TXNDC5: variants seen among roughly 807,000 people sequenced by gnomAD.
TXNDC5 encodes the protein thioredoxin domain-containing protein 5.
Under a neutral mutation model 52.6 loss-of-function variants are expected in TXNDC5, and 44 were observed. The ratio of observed to expected loss-of-function variants is 0.84; its 90% CI spans 0.66 to 1.08. TXNDC5 has a LOEUF of 1.08. TXNDC5 is among the 50% of genes least tolerant of loss of function. The pLI is 0.00. For missense variants in TXNDC5, 600 were observed against 565.5 expected (o/e 1.06, Z -0.62); for synonymous variants, 241 against 234.4 (o/e 1.03, Z -0.26).
rs753052301 is a variant in TXNDC5, at chr6:7,884,450, TC to T, written c.1084del (p.Glu362AsnfsTer18). 2.5e-6 allele frequency: 4 copies of T among 1,613,876 alleles called. No individual in the cohort carries two copies. Among genetic ancestry groups the T allele is most frequent in the Non-Finnish European group, 3.4e-6 (4 of 1,179,998 alleles). On this transcript the variant is annotated frameshift_variant, in exon 9 of 10. Transcript: ENST00000379757. LOFTEE classifies it high-confidence loss of function. ...ACCAGGGAATTCCTTTTTAGAGAGT[TC>T]CTCCCAAGTAGGAGCCAGAGTCTTA... ...HCKTLAPTWE[E>X]LSKKEFPGLA... is the part of the protein sequence containing the mutation.
At position 7,883,178 on chromosome 6, in the gene TXNDC5, C is replaced by T. The variant is rs146220191; in HGVS notation, c.1265G>A (p.Arg422His). The T allele has an allele frequency of 5.5e-4, 881 of 1,614,186 alleles. 15 individuals carry two copies. In the South Asian group the frequency reaches 8.8e-3, roughly 16 times the overall value. The change falls in exon 10 of 10, where the codon CGC becomes CAC. Residue 422 changes from arginine to histidine, a missense_variant. Arg to His is a conservative substitution (Grantham distance 29). Coordinates refer to ENST00000379757, the MANE Select transcript of TXNDC5 (RefSeq NM_030810.5). The part of the protein sequence containing the change: ...SGGRDLDSLH[R>H]FVLSQAKDEL ...GTCTTTCGCTTGGCTCAGGACAAAG[C>T]GGTGTAACGAGTCAAGGTCTCTGCC...
At chr6:7,891,013 T>G (rs566976184) in intron 5 of TXNDC5, among the ~76,000 whole-genome samples, 1 of 152,276 alleles carries the variant, frequency 6.6e-6, no homozygotes, top group South Asian at 2.1e-4. Flanking sequence ...GGTAGAAAAA[T>G]GAGATTTTTA....
At chr6:7,903,253 T>C (rs78798406) in intron 2 of TXNDC5, among the ~76,000 whole-genome samples, 1 of 150,726 alleles carries the variant, frequency 6.6e-6, no homozygotes, top group African/African-American at 2.5e-5. Context: ...CTATAAAGCA[T>C]AGAATAGTTA....
At chr6:7,892,209 C>T (rs913758132) in intron 4 of TXNDC5, among the ~76,000 whole-genome samples, 5 of 152,164 alleles carry the variant, frequency 3.3e-5, no homozygotes, top group African/African-American at 9.7e-5. Flanking sequence ...TGTGCCCCCA[C>T]CAGCTATGAG....
chr6:7,899,548 G>GGAGGGAGA, intron 3 of TXNDC5, 28 bp downstream of exon 3: 1 of 1,468,974 alleles, frequency 6.8e-7, no homozygotes, highest in Admixed American at 1.8e-5. Context: ...AGGGAGGGAG[G>GGAGGGAGA]GAGGGAGGGA....
Position 7,883,238 on chromosome 6 carries a change from A to G in TXNDC5, c.1205T>C (p.Phe402Ser). The change falls in exon 10 of 10, where the codon TTC becomes TCC. Residue 402 changes from phenylalanine (F) to serine (S), a missense_variant. Transcript: ENST00000379757. ...CTCACTGACTTTCTTCCCTCCTCGG[A>G]AAAGCAATAACGTGGGGTAGCCTCG... The part of the protein sequence containing the change: ...SVRGYPTLLL[F>S]RGGKKVSEHS... 1.2e-6 allele frequency: 2 copies of G among 1,614,186 alleles called. No homozygotes were observed. The highest frequency in any genetic ancestry group is 1.1e-5 in the South Asian group (1 of 91,082).
Position 7,882,954 on chromosome 6 carries a change from AAACTT to A in TXNDC5, c.*185_*189del, listed in dbSNP as rs202243956. 3,426 of 676,210 alleles carry A rather than the reference AAACTT, an allele frequency of 5.1e-3. 6 individuals are homozygous for A. Among genetic ancestry groups the A allele is most frequent in the East Asian group, 7.6e-3 (266 of 35,224 alleles). 41.9% of individuals were successfully genotyped at this position (676,210 alleles called of 1,614,324 possible). ...CCATGAGTTACACATTTACTTAGAG[AAACTT>A]AACTTAATAAAGAATCTGTAGAGTG... On this transcript the variant is annotated 3_prime_UTR_variant, in exon 10 of 10. Transcript: ENST00000379757.
chr6:7,895,340 C>T (rs529384917), intron 3 of TXNDC5, 138 bp from the exon 4 acceptor site: 99 of 735,830 alleles, frequency 1.3e-4, no homozygotes, highest in Non-Finnish European at 1.9e-4. Context: ...TACGATGCTG[C>T]TGTGCTGAGT....
chr6:7,904,186 A>G (rs1760663714), intron 2 of TXNDC5, among the ~76,000 whole-genome samples: 2 of 152,232 alleles, frequency 1.3e-5, no homozygotes, highest in African/African-American at 4.8e-5. Context: ...TTTCTTTCCA[A>G]CAGGAACAGC....
intron 1 of TXNDC5, among the ~76,000 whole-genome samples, chr6:7,906,631 T>G (rs1416340663): frequency 6.6e-6 from 1 of 151,540 alleles, no homozygotes; most frequent in Non-Finnish European, 1.5e-5. Context: ...AGCACTTTCT[T>G]GGCCAGCTAA....
chr6:7,910,294 G>A (rs1760874490), intron 1 of TXNDC5, among the ~76,000 whole-genome samples: 1 of 146,322 alleles, frequency 6.8e-6, no homozygotes, highest in Admixed American at 6.8e-5. Context: ...CCCGCCAGCC[G>A]GAGCCCCGAA....
At chr6:7,900,679 C>A (rs752512578) in intron 2 of TXNDC5, among the ~76,000 whole-genome samples, 3 of 152,108 alleles carry the variant, frequency 2.0e-5, no homozygotes, top group Non-Finnish European at 4.4e-5. Flanking sequence ...ATCTATTTCG[C>A]CTAGCTCTAG....
intron 8 of TXNDC5, 45 bp from the exon 9 acceptor site, chr6:7,884,533 A>G (rs759422724): frequency 1.2e-6 from 2 of 1,612,270 alleles, no homozygotes; most frequent in Non-Finnish European, 1.7e-6. Flanking sequence ...CTGGGTCGAG[A>G]TCATTCACCT....
chr6:7,886,086 A>G (rs548904149), intron 7 of TXNDC5, 43 bp from the exon 8 acceptor site: 3 of 1,572,510 alleles, frequency 1.9e-6, no homozygotes, highest in Admixed American at 3.4e-5. Context: ...CATCCCTTAA[A>G]GTTGAGCAGG....
Position 7,884,455 on chromosome 6 carries a change from C to T in TXNDC5, c.1080G>A (p.Trp360Ter). Residue 360 changes from tryptophan (W) to a stop codon, truncating the protein, a stop_gained, in exon 9 of 10, where the codon TGG becomes TGA. Transcript: ENST00000379757. LOFTEE classifies it high-confidence loss of function. The stretch of plus-strand genomic sequence containing the variant: ...GGAATTCCTTTTTAGAGAGTTCCTC[C>T]CAAGTAGGAGCCAGAGTCTTACAAT... ...CGHCKTLAPT[W>*]EELSKKEFPG... 1.2e-6 allele frequency: 2 copies of T among 1,614,046 alleles called. No homozygotes were observed. The highest frequency in any genetic ancestry group is 8.5e-7 in the Non-Finnish European group (1 of 1,179,988).
At chr6:7,896,208 A>G (rs981882430) in intron 3 of TXNDC5, among the ~76,000 whole-genome samples, 1 of 152,224 alleles carries the variant, frequency 6.6e-6, no homozygotes, top group African/African-American at 2.4e-5. Context: ...CCATGGCATG[A>G]ACATAAGCTG....
chr6:7,899,732 A>G, intron 2 of TXNDC5, 51 bp from the exon 3 acceptor site: 1 of 1,493,048 alleles, frequency 6.7e-7, no homozygotes, highest in East Asian at 2.3e-5. Context: ...TTGTCTTATC[A>G]GAGAGCAAAC....
intron 1 of TXNDC5, among the ~76,000 whole-genome samples, chr6:7,907,066 T>G (rs1760760148): frequency 6.6e-6 from 1 of 152,190 alleles, no homozygotes; most frequent in African/African-American, 2.4e-5. Flanking sequence ...AGGGCAGTTC[T>G]GACCTTCAGG....
chr6:7,888,597 A>G (rs1760081332), intron 7 of TXNDC5, 108 bp downstream of exon 7: 10 of 1,404,756 alleles, frequency 7.1e-6, no homozygotes, highest in Non-Finnish European at 8.5e-6. Context: ...CTGTGTCCCC[A>G]AACTGTCATT....
Sources: allele counts gnomAD v4.1 joint callset (sites outside exome capture counted in the v4.1 genomes callset), GRCh38; gene constraint gnomAD v4.1.1; transcripts MANE v1.5; gene names NCBI Gene and HGNC (gene_info 2026-07-23, HGNC 2026-07-21).